The following DCTN6 variants were observed in gnomAD, a reference collection of about 807,000 sequenced individuals.
DCTN6 encodes the protein dynactin subunit 6.
DCTN6 carries 15 observed loss-of-function variants against 25.8 expected under a neutral mutation model. The ratio of observed to expected loss-of-function variants is 0.58; its 90% CI spans 0.39 to 0.89. The LOEUF (loss-of-function observed/expected upper bound fraction) is 0.89, where lower values mean the gene tolerates loss of function less well. Ranked by LOEUF, DCTN6 falls within the 40% of genes least tolerant of loss-of-function variation. The pLI is 0.00. For missense variants in DCTN6, 198 were observed against 237.6 expected (o/e 0.83, Z 1.09); for synonymous variants, 64 against 78.3 (o/e 0.82, Z 0.96).
rs1022638021 is a variant in DCTN6 at position 30,162,641 on chromosome 8, A to G, written c.24-1470A>G. On this transcript the variant is annotated intron_variant, in intron 1 of 6. Transcript: ENST00000221114. Reference sequence around the variant, plus strand: ...CCTCATGTCAGCTCATGGTTCAGCTAGGGTCAGTGTTTACATACAGCTTTG... The same window carrying G: ...CCTCATGTCAGCTCATGGTTCAGCTGGGGTCAGTGTTTACATACAGCTTTG... Among the ~76,000 whole-genome samples, 13 of 152,336 alleles carry G rather than the reference A, an allele frequency of 8.5e-5. No homozygotes were observed. In the East Asian group the frequency reaches 2.5e-3, roughly 29 times the overall value.
chr8:30,181,534 C>A (rs1389496761), intron 6 of DCTN6, among the ~76,000 whole-genome samples: 1 of 152,140 alleles, frequency 6.6e-6, no homozygotes, highest in Non-Finnish European at 1.5e-5. Context: ...GGACATAAGA[C>A]ATTTGTATTG....
At position 30,180,582 on chromosome 8, in the gene DCTN6, G is replaced by A. The variant is rs774154123; in HGVS notation, c.426G>A (p.Val142=). Reference sequence around the variant, plus strand: ...TTGAAGTCATCCCTGAGAATACGGTGATCTATGGTGCAGACTGCCTTCGTC... The same window carrying A: ...TTGAAGTCATCCCTGAGAATACGGTAATCTATGGTGCAGACTGCCTTCGTC... ...NTFEVIPENT[V]IYGADCLRRV... The change falls in exon 6 of 7, where the codon GTG becomes GTA. Residue 142 remains valine, a synonymous_variant. Transcript: ENST00000221114. The A allele has an allele frequency of 3.1e-6, 5 of 1,613,978 alleles. No homozygotes were observed. In the African/African-American group the frequency reaches 4.0e-5, roughly 13 times the overall value.
chr8:30,177,472 C>T lies in DCTN6; in HGVS notation c.283+258C>T, dbSNP rs1273305930. ...TGTAAATCCCAGCACTGTGGGAGGCCGAAGCTGGCGGATCACTTGAGGCCA... is the reference window on the plus strand; with the variant it reads ...TGTAAATCCCAGCACTGTGGGAGGCTGAAGCTGGCGGATCACTTGAGGCCA... On this transcript the variant is annotated intron_variant, in intron 4 of 6. Transcript: ENST00000221114. 12 of 227,010 alleles carry T rather than the reference C, an allele frequency of 5.3e-5. No individual in the cohort carries two copies. In the East Asian group the frequency reaches 6.0e-4, roughly 11 times the overall value. The allele number at this position is 227,010 out of a possible 1,614,324, so 14.1% of individuals were successfully genotyped here.
At chr8:30,173,570 A>G (rs1283088055) in intron 2 of DCTN6, among the ~76,000 whole-genome samples, 2 of 152,008 alleles carry the variant, frequency 1.3e-5, no homozygotes, top group Non-Finnish European at 2.9e-5. Flanking sequence ...GTGAGACCCC[A>G]TCTCTAAAAA....
At chr8:30,164,240 C>A in intron 2 of DCTN6, 65 bp downstream of exon 2, 1 of 1,209,298 alleles carries the variant, frequency 8.3e-7, no homozygotes. Flanking sequence ...TAGTGCTTTA[C>A]AATTAGATAC....
chr8:30,171,449 G>A (rs1803763508), intron 2 of DCTN6, among the ~76,000 whole-genome samples: 2 of 151,964 alleles, frequency 1.3e-5, no homozygotes, highest in African/African-American at 2.4e-5. Context: ...GTAGAGAAGG[G>A]GGTCTGACTC....
At chr8:30,160,260 C>G (rs1390187963) in intron 1 of DCTN6, among the ~76,000 whole-genome samples, 1 of 152,144 alleles carries the variant, frequency 6.6e-6, no homozygotes, top group Non-Finnish European at 1.5e-5. Context: ...GAGCCGTTTC[C>G]CCCATCCTGT....
intron 1 of DCTN6, among the ~76,000 whole-genome samples, chr8:30,161,423 G>A (rs1053978665): frequency 6.6e-6 from 1 of 152,100 alleles, no homozygotes; most frequent in Non-Finnish European, 1.5e-5. Flanking sequence ...CCACCACCAA[G>A]TACTTCTTCA....
At chr8:30,170,202 A>C (rs1304573274) in intron 2 of DCTN6, among the ~76,000 whole-genome samples, 2 of 152,068 alleles carry the variant, frequency 1.3e-5, no homozygotes, top group African/African-American at 4.8e-5. Flanking sequence ...CACCAAACCA[A>C]AATCTAGCGG....
At chr8:30,179,343 C>T in intron 4 of DCTN6, 65 bp from the exon 5 acceptor site, 1 of 1,372,590 alleles carries the variant, frequency 7.3e-7, no homozygotes. Flanking sequence ...AATGTAAGTA[C>T]ATACTGTGTT....
intron 3 of DCTN6, among the ~76,000 whole-genome samples, chr8:30,176,356 C>T (rs562170705): frequency 2.0e-5 from 3 of 147,748 alleles, no homozygotes; most frequent in East Asian, 2.0e-4. Flanking sequence ...GGTGAAACCC[C>T]GTCTCTACTG....
chr8:30,160,268 T>C (rs2117574599), intron 1 of DCTN6, among the ~76,000 whole-genome samples: 1 of 152,328 alleles, frequency 6.6e-6, no homozygotes. Context: ...TCCCCCATCC[T>C]GTTCTCATGA....
rs749161523 is a variant in DCTN6, at chr8:30,164,174, C to T, written c.87C>T (p.Ile29=). 1.1e-5 allele frequency: 18 copies of T among 1,607,448 alleles called. No individual in the cohort carries two copies. Among genetic ancestry groups the T allele is most frequent in the African/African-American group, 5.3e-5 (4 of 74,890 alleles). The change falls in exon 2 of 7, where the codon ATC becomes ATT. Residue 29 remains isoleucine, a splice_region_variant and synonymous_variant. Transcript: ENST00000221114. The part of the protein sequence containing the change: ...VESEIRGDVT[I]GPRTVIHPKA... The stretch of plus-strand genomic sequence containing the variant: ...GTGAAATCAGAGGAGATGTAACTAT[C>T]GGTAAGAAATAGTTTATTTACTGTT...
At chr8:30,170,676 T>A (rs1210986944) in intron 2 of DCTN6, among the ~76,000 whole-genome samples, 2 of 151,948 alleles carry the variant, frequency 1.3e-5, no homozygotes, top group Non-Finnish European at 2.9e-5. Context: ...GAGTCTCACT[T>A]TGTCACCCAG....
At chr8:30,174,306 G>C (rs891045588) in intron 2 of DCTN6, among the ~76,000 whole-genome samples, 3 of 151,562 alleles carry the variant, frequency 2.0e-5, no homozygotes. Context: ...CATAATTTCT[G>C]ACTTCTGTCC....
intron 3 of DCTN6, among the ~76,000 whole-genome samples, chr8:30,175,749 C>T (rs977225491): frequency 2.0e-5 from 3 of 152,112 alleles, no homozygotes; most frequent in Non-Finnish European, 2.9e-5. Context: ...GACTGTAATA[C>T]GTATGAATTT....
intron 4 of DCTN6, among the ~76,000 whole-genome samples, chr8:30,178,492 A>T (rs572695568): frequency 1.3e-5 from 2 of 149,366 alleles, no homozygotes; most frequent in Non-Finnish European, 3.0e-5. Context: ...AAAAAAAAAG[A>T]TAGTAAAATC....
chr8:30,164,196 T>G, intron 2 of DCTN6, 21 bp downstream of exon 2: 1 of 1,578,574 alleles, frequency 6.3e-7, no homozygotes, highest in Non-Finnish European at 8.7e-7. Flanking sequence ...GTTTATTTAC[T>G]GTTTTTCAAG....
intron 3 of DCTN6, among the ~76,000 whole-genome samples, chr8:30,176,158 T>G (rs1803828904): frequency 1.3e-5 from 2 of 152,204 alleles, no homozygotes; most frequent in South Asian, 4.1e-4. Flanking sequence ...ATGATTTTGG[T>G]TCTAATTAAC....
Sources: gnomAD v4.1 joint callset for allele counts (sites outside exome capture counted in the v4.1 genomes callset) on GRCh38, gnomAD v4.1.1 for gene constraint, MANE v1.5 for transcripts, NCBI Gene and HGNC (gene_info 2026-07-23, HGNC 2026-07-21) for gene names.